Variants in HERC1 observed in about 807,000 individuals in gnomAD.
The protein encoded by HERC1 is probable E3 ubiquitin-protein ligase HERC1.
A neutral mutation model predicts 554.3 loss-of-function variants in HERC1; 160 were observed. The observed-to-expected ratio is 0.29, with a 90% CI of 0.25 to 0.33. The LOEUF (loss-of-function observed/expected upper bound fraction) is 0.33. Ranked by LOEUF, HERC1 falls within the 10% of genes least tolerant of loss-of-function variation. The probability of loss-of-function intolerance (pLI) is 1.00; values close to 1 mark genes in which losing one functional copy is unlikely to be tolerated. For synonymous variants in HERC1, 2,175 were observed against 2,131.7 expected (o/e 1.02, Z -0.56); for missense variants, 4,919 against 5,918.5 (o/e 0.83, Z 5.54).
rs1049380021 is a variant in HERC1 at position 63,758,071 on chromosome 15, G to A, written c.1221+104C>T. 128 of 816,874 alleles carry A rather than the reference G, an allele frequency of 1.6e-4. 1 individual carries two copies. In the Admixed American group the frequency reaches 2.4e-3, roughly 15 times the overall value. 50.6% of individuals were successfully genotyped at this position (816,874 alleles called of 1,614,324 possible). Reference sequence around the variant, plus strand: ...AGTATATAGACCAGAAATAACCATCGATAATTTTCACTCATTTAAAAAATA... The same window carrying A: ...AGTATATAGACCAGAAATAACCATCAATAATTTTCACTCATTTAAAAAATA... On this transcript the variant is annotated intron_variant, in intron 4 of 77. Transcript: ENST00000443617. The surrounding 1 kb of genome is among the most constrained non-coding windows in gnomAD (Gnocchi z 4.0).
intron 1 of HERC1, among the ~76,000 whole-genome samples, chr15:63,815,385 C>T (rs1334738334): frequency 6.6e-6 from 1 of 152,194 alleles, no homozygotes; most frequent in Non-Finnish European, 1.5e-5. Context: ...TAACCTTGAA[C>T]AATTTACTTA....
At position 63,628,706 on chromosome 15, in the gene HERC1, G is replaced by C. The variant is rs1246017693; in HGVS notation, c.13076C>G (p.Thr4359Arg). Residue 4359 changes from threonine to arginine, a missense_variant, in exon 70 of 78, where the codon ACA becomes AGA. By Grantham distance (71) the Thr-to-Arg change is moderately conservative. Around this residue, in one of 11 missense-constraint regions of HERC1, gnomAD observed 410 missense variants for 467.0 expected, o/e 0.88. Transcript: ENST00000443617. ...TGCTCTTGGTGGGACAGGTGGTGCT[G>C]TCCATGCAGCACTGTGGCAGCGGCC... Reference protein sequence around the residue: ...SAGRCHSAAWTAPPVPPRAPG... With the variant: ...SAGRCHSAAWRAPPVPPRAPG... 13 of 1,613,578 alleles carry C rather than the reference G, an allele frequency of 8.1e-6. No individual in the cohort carries two copies. Among genetic ancestry groups the C allele is most frequent in the Non-Finnish European group, 1.1e-5 (13 of 1,179,804 alleles).
intron 1 of HERC1, among the ~76,000 whole-genome samples, chr15:63,832,317 A>C (rs139808862): frequency 3.8e-4 from 58 of 152,278 alleles, no homozygotes; most frequent in African/African-American, 1.3e-3. Context: ...ACATTTATGC[A>C]TAAGACAGGC....
intron 14 of HERC1, among the ~76,000 whole-genome samples, chr15:63,730,233 C>T (rs1322551215): frequency 6.6e-6 from 1 of 151,446 alleles, no homozygotes; most frequent in Non-Finnish European, 1.5e-5. Context: ...GGTGGAAAGA[C>T]TGCCTGAGGT....
In HERC1 at chr15:63,775,397, T is replaced by C; in HGVS notation, c.227A>G (p.Asp76Gly). Residue 76 changes from aspartate (D) to glycine (G), a missense_variant, in exon 2 of 78, where the codon GAC becomes GGC. Asp to Gly is a moderately conservative substitution (Grantham distance 94, BLOSUM62 -1). Transcript: ENST00000443617. The surrounding 1 kb of genome is among the most constrained non-coding windows in gnomAD (Gnocchi z 4.0). ...GCTAAGAAGGGCATCCAAATAGTGG[T>C]CCTGCTCATCACTTGAAAGAGACTC... ...ERESLSSDEQ[D>G]HYLDALLSSQ... 6.2e-7 allele frequency: 1 copy of C among 1,614,010 alleles called. No homozygotes were observed. The highest frequency in any genetic ancestry group is 2.2e-5 in the East Asian group (1 of 44,890).
At position 63,746,900 on chromosome 15, in the gene HERC1, C is replaced by G; in HGVS notation, c.2520+18G>C. ...AGACGTGGTTTGAGATACAGATTCA[C>G]AAGTCCTATTCTCTTACCTCTTGGA... On this transcript the variant is annotated intron_variant, in intron 12 of 77. Transcript: ENST00000443617. 1 of 1,548,938 alleles carries G rather than the reference C, an allele frequency of 6.5e-7. No homozygotes were observed.
Position 63,623,834 on chromosome 15 carries a change from T to C in HERC1, c.13502A>G (p.Asn4501Ser), listed in dbSNP as rs1255074211. 1 of 1,613,920 alleles carries C rather than the reference T, an allele frequency of 6.2e-7. No homozygotes were observed. Among genetic ancestry groups the C allele is most frequent in the Non-Finnish European group, 8.5e-7 (1 of 1,179,904 alleles). ...GGAAGGCAGGCGGAGGTCTGAAGCA[T>C]TCAGCTTAACTACTTGTCTCGCTAT... ...VQIARQVVKL[N>S]ASDLRLPSRA... Residue 4501 changes from asparagine (N) to serine (S), a missense_variant, in exon 73 of 78, where the codon AAT (asparagine) becomes AGT (serine). Coordinates refer to ENST00000443617, the MANE Select transcript of HERC1 (RefSeq NM_003922.4).
At chr15:63,664,146 C>A (rs1478966085) in intron 43 of HERC1, among the ~76,000 whole-genome samples, 1 of 152,126 alleles carries the variant, frequency 6.6e-6, no homozygotes, top group Non-Finnish European at 1.5e-5. Flanking sequence ...ACCACTGATG[C>A]TAAACATTAA....
chr15:63,703,096 CGA>C (rs2072814048), intron 25 of HERC1, among the ~76,000 whole-genome samples: 1 of 135,124 alleles, frequency 7.4e-6, no homozygotes, highest in African/African-American at 2.8e-5. Context: ...GGCTACAGAG[CGA>C]GACTCTGTCT....
chr15:63,693,409 A>T (rs1595990257), intron 30 of HERC1, among the ~76,000 whole-genome samples: 2 of 151,878 alleles, frequency 1.3e-5, no homozygotes, highest in East Asian at 3.9e-4. Flanking sequence ...ATGCCAGGCT[A>T]ATTTTCATAT....
At chr15:63,686,233 T>C in intron 34 of HERC1, 126 bp downstream of exon 34, 1 of 662,102 alleles carries the variant, frequency 1.5e-6, no homozygotes, top group Non-Finnish European at 2.5e-6. Flanking sequence ...TTATATTATC[T>C]TACATAATAA....
At chr15:63,633,423 A>G (rs1237178594) in intron 67 of HERC1, among the ~76,000 whole-genome samples, 1 of 152,212 alleles carries the variant, frequency 6.6e-6, no homozygotes, top group African/African-American at 2.4e-5. Flanking sequence ...ATGGACTCAG[A>G]TTTCCTTTGT....
chr15:63,612,589 T>C lies in HERC1; in HGVS notation c.14095-33A>G, dbSNP rs2067647648. On this transcript the variant is annotated intron_variant, in intron 76 of 77. Coordinates refer to ENST00000443617, the MANE Select transcript of HERC1 (RefSeq NM_003922.4). The surrounding 1 kb of genome is among the most constrained non-coding windows in gnomAD (Gnocchi z 5.0). ...CGGGAGAGGTTGCTCATTCAATGAG[T>C]GTGCGTGAACCTGGCACCCACCAAG... is the stretch of plus-strand genomic sequence containing the variant. 1.3e-6 allele frequency: 2 copies of C among 1,592,608 alleles called. No individual in the cohort carries two copies. The highest frequency in any genetic ancestry group is 2.3e-5 in the South Asian group (2 of 87,006).
intron 68 of HERC1, 167 bp from the exon 69 acceptor site, chr15:63,630,802 T>C (rs952837416): frequency 5.5e-6 from 3 of 544,232 alleles, no homozygotes; most frequent in South Asian, 4.0e-5. Flanking sequence ...ACGTTCTGAA[T>C]AAATAAAAAG....
At chr15:63,674,240 T>TC in intron 38 of HERC1, 102 bp downstream of exon 38, 1 of 1,059,574 alleles carries the variant, frequency 9.4e-7, no homozygotes, top group Non-Finnish European at 1.3e-6. Flanking sequence ...AAAAAAAATT[T>TC]TTTTTTTTTT....
chr15:63,641,309 A>G (rs2069049298), intron 60 of HERC1, among the ~76,000 whole-genome samples, 161 bp downstream of exon 60: 1 of 152,232 alleles, frequency 6.6e-6, no homozygotes, highest in Non-Finnish European at 1.5e-5. Flanking sequence ...AGGGTTGCTG[A>G]ACAACTCTTT....
At chr15:63,811,345 A>C (rs985755980) in intron 1 of HERC1, among the ~76,000 whole-genome samples, 1 of 152,204 alleles carries the variant, frequency 6.6e-6, no homozygotes, top group Non-Finnish European at 1.5e-5. Flanking sequence ...AAATGTATGC[A>C]TGTTTAGAGG....
Position 63,677,952 on chromosome 15 carries a change from A to G in HERC1, c.6963T>C (p.Gly2321=). Residue 2321 remains glycine, a synonymous_variant, in exon 37 of 78, where the codon GGT becomes GGC. Coordinates refer to ENST00000443617, the MANE Select transcript of HERC1 (RefSeq NM_003922.4). The surrounding 1 kb of genome is among the most constrained non-coding windows in gnomAD (Gnocchi z 4.4). The part of the protein sequence containing the change: ...GGVDAGLRVG[G]RCVHKQTGRH... The stretch of plus-strand genomic sequence containing the variant: ...GCCCAGTTTGCTTGTGAACACACCG[A>G]CCTCCAACTCTAAGACCAGCATCAA... The G allele has an allele frequency of 1.9e-6, 3 of 1,613,772 alleles. No homozygotes were observed. The highest frequency in any genetic ancestry group is 2.5e-6 in the Non-Finnish European group (3 of 1,179,850).
chr15:63,696,483 T>C, intron 26 of HERC1, 144 bp from the exon 27 acceptor site: 1 of 611,692 alleles, frequency 1.6e-6, no homozygotes, highest in South Asian at 2.2e-5. Context: ...ATTTTATTAT[T>C]ATTACTTTTT....
Sources: gnomAD v4.1 joint callset for allele counts (sites outside exome capture counted in the v4.1 genomes callset) on GRCh38, gnomAD v4.1.1 for gene constraint, gnomAD v4.1.1 regional missense constraint, Gnocchi (gnomAD v3.1) non-coding constraint, MANE v1.5 for transcripts, NCBI Gene and HGNC (gene_info 2026-07-23, HGNC 2026-07-21) for gene names.